Variants in ACCSL observed in about 807,000 individuals in gnomAD.
ACCSL encodes 1-aminocyclopropane-1-carboxylate synthase homolog (inactive) like.
Under a neutral mutation model 61.7 loss-of-function variants are expected in ACCSL, and 55 were observed. That is an observed-to-expected ratio of 0.89 (90% confidence interval 0.72 to 1.12). The LOEUF (loss-of-function observed/expected upper bound fraction) is 1.12. ACCSL is among the 50% of genes most tolerant of loss of function. The pLI is 0.00. For missense variants in ACCSL, 632 were observed against 698.0 expected (o/e 0.91, Z 1.07); for synonymous variants, 258 against 264.3 (o/e 0.98, Z 0.23).
At chr11:44,037,016 G>A in the ACCSL span, among the ~76,000 whole-genome samples, 1 of 152,146 alleles carries the variant, frequency 6.6e-6, no homozygotes, top group African/African-American at 2.4e-5. Context: ...GGGAGAAAAG[G>A]TTATGCAATC....
At chr11:43,988,518 G>C in the ACCSL span, among the ~76,000 whole-genome samples, 1 of 146,624 alleles carries the variant, frequency 6.8e-6, no homozygotes. Context: ...CGGTGGCGTA[G>C]ATGCAGTGAG....
chr11:43,958,791 C>T, the ACCSL span, among the ~76,000 whole-genome samples: 1 of 152,148 alleles, frequency 6.6e-6, no homozygotes, highest in African/African-American at 2.4e-5. Flanking sequence ...AGGCAGTTTT[C>T]AACCTCCTAT....
chr11:44,011,448 G>A, the ACCSL span, among the ~76,000 whole-genome samples: 1 of 152,192 alleles, frequency 6.6e-6, no homozygotes, highest in Non-Finnish European at 1.5e-5. Context: ...TTAGCACAAA[G>A]CATGGAAGAA....
chr11:44,059,730 T>C, intron 13 of ACCSL, 108 bp from the exon 14 acceptor site: 1 of 809,300 alleles, frequency 1.2e-6, no homozygotes. Context: ...AAGTTCAGGA[T>C]CCCTGAATGA....
chr11:44,046,421 T>C (rs528374963), upstream of ACCSL, among the ~76,000 whole-genome samples: 2 of 152,342 alleles, frequency 1.3e-5, no homozygotes, highest in South Asian at 4.2e-4. Flanking sequence ...GTTATGCCTC[T>C]CCTACTCATT....
chr11:43,997,872 A>G, the ACCSL span, among the ~76,000 whole-genome samples: 11 of 152,166 alleles, frequency 7.2e-5, no homozygotes, highest in Admixed American at 2.6e-4. Context: ...ATGGGAAGAG[A>G]ATGTCTCCCT....
chr11:43,981,767 G>A, the ACCSL span, among the ~76,000 whole-genome samples: 1 of 152,216 alleles, frequency 6.6e-6, no homozygotes, highest in African/African-American at 2.4e-5. Flanking sequence ...GTCAGGAAGG[G>A]TGTGGCCGTG....
chr11:44,035,790 T>C, the ACCSL span, among the ~76,000 whole-genome samples: 1 of 151,530 alleles, frequency 6.6e-6, no homozygotes, highest in African/African-American at 2.4e-5. Context: ...ATACAAAAAT[T>C]AGCCAGGCAT....
the ACCSL span, among the ~76,000 whole-genome samples, chr11:44,002,411 G>A: frequency 1.3e-5 from 2 of 152,324 alleles, no homozygotes; most frequent in African/African-American, 2.4e-5. Flanking sequence ...AGCCCCCCGC[G>A]TGGTTTCTAG....
At chr11:44,004,581 C>A in the ACCSL span, among the ~76,000 whole-genome samples, 199 of 152,282 alleles carry the variant, frequency 1.3e-3, 2 homozygotes, top group African/African-American at 4.7e-3. Context: ...CTCAGCCCAG[C>A]CCCAGCCGCA....
the ACCSL span, among the ~76,000 whole-genome samples, chr11:43,974,412 T>G: frequency 6.6e-6 from 1 of 152,242 alleles, no homozygotes; most frequent in Non-Finnish European, 1.5e-5. Context: ...TGTCTTCTCT[T>G]AAGACATTTG....
upstream of ACCSL, chr11:44,047,888 G>A: frequency 2.9e-6 from 3 of 1,031,632 alleles, no homozygotes; most frequent in Non-Finnish European, 4.2e-6. Flanking sequence ...CCAAGGCATG[G>A]AAGTGAGAAG....
the ACCSL span, among the ~76,000 whole-genome samples, chr11:44,027,166 G>A: frequency 6.6e-6 from 1 of 152,160 alleles, no homozygotes; most frequent in Non-Finnish European, 1.5e-5. Flanking sequence ...TTGCCAAGAG[G>A]TATTTTGTGT....
At chr11:44,009,771 G>A in the ACCSL span, among the ~76,000 whole-genome samples, 2 of 151,776 alleles carry the variant, frequency 1.3e-5, no homozygotes, top group Non-Finnish European at 2.9e-5. Flanking sequence ...TCTCAAGTAA[G>A]TAAATAAATA....
At chr11:43,933,261 G>A in the ACCSL span, 1 of 440,426 alleles carries the variant, frequency 2.3e-6, no homozygotes, top group Admixed American at 2.4e-5. Flanking sequence ...TTACTAGCTG[G>A]TGGATGTCCC....
the ACCSL span, among the ~76,000 whole-genome samples, chr11:43,941,992 G>A: frequency 5.9e-5 from 9 of 151,742 alleles, no homozygotes; most frequent in Non-Finnish European, 1.3e-4. Flanking sequence ...TCTAGGGAAG[G>A]GAAGAACCGG....
the ACCSL span, among the ~76,000 whole-genome samples, chr11:43,926,897 C>T: frequency 3.3e-5 from 5 of 152,096 alleles, no homozygotes; most frequent in Non-Finnish European, 7.4e-5. Flanking sequence ...ACTACAGGTG[C>T]ACCCCACCAC....
chr11:44,040,753 T>C, the ACCSL span, among the ~76,000 whole-genome samples: 3 of 152,040 alleles, frequency 2.0e-5, no homozygotes, highest in Non-Finnish European at 4.4e-5. Flanking sequence ...GACCCGGTGA[T>C]GCCTAGGGCT....
At chr11:43,944,715 T>A in the ACCSL span, 1 of 152,356 alleles carries the variant, frequency 6.6e-6, no homozygotes, top group Non-Finnish European at 1.5e-5. Context: ...TTCAGCCACT[T>A]CCCGAATCCC....
Sources: allele counts gnomAD v4.1 joint callset (sites outside exome capture counted in the v4.1 genomes callset), GRCh38; gene constraint gnomAD v4.1.1; transcripts MANE v1.5; gene names NCBI Gene and HGNC (gene_info 2026-07-23, HGNC 2026-07-21).